Variants in MID1 observed in about 807,000 individuals in gnomAD.
MID1 encodes E3 ubiquitin-protein ligase Midline-1.
A neutral mutation model predicts 40.4 loss-of-function variants in MID1; 7 were observed. The ratio of observed to expected loss-of-function variants is 0.17; its 90% CI spans 0.10 to 0.33. The LOEUF (loss-of-function observed/expected upper bound fraction) is 0.33, where lower values mean the gene tolerates loss of function less well. Ranked by LOEUF, MID1 falls within the 10% of genes least tolerant of loss-of-function variation. The pLI, the probability that MID1 is intolerant of heterozygous loss-of-function variation, is 1.00. For synonymous variants in MID1, 229 were observed against 221.2 expected (o/e 1.04, Z -0.31); for missense variants, 367 against 558.5 (o/e 0.66, Z 3.46).
chrX:10,553,310 G>A (rs752341128), intron 2 of MID1, among the ~76,000 whole-genome samples: 1 of 108,125 alleles, frequency 9.2e-6, no homozygotes, highest in East Asian at 2.8e-4. Flanking sequence ...ATATATATAC[G>A]TATGAACCCT....
chrX:10,649,163 A>C (rs1020250131), intron 1 of MID1, among the ~76,000 whole-genome samples: 8 of 112,057 alleles, frequency 7.1e-5, no homozygotes, highest in African/African-American at 2.6e-4. Flanking sequence ...AATTTTCTCC[A>C]TAGAAGCAAA....
intron 2 of MID1, among the ~76,000 whole-genome samples, chrX:10,563,458 C>T (rs1402856658): frequency 1.8e-5 from 2 of 111,532 alleles, no homozygotes; most frequent in Non-Finnish European, 3.8e-5. Flanking sequence ...ATTTTAATTC[C>T]TTGAAAACTC....
intron 1 of MID1, among the ~76,000 whole-genome samples, chrX:10,573,708 T>C (rs1934799339): frequency 8.9e-6 from 1 of 112,395 alleles, no homozygotes; most frequent in Non-Finnish European, 1.9e-5. Context: ...TTTCTGATGG[T>C]CTATGGTTCC....
intron 1 of MID1, among the ~76,000 whole-genome samples, chrX:10,728,633 G>A (rs1244908322): frequency 8.9e-6 from 1 of 112,256 alleles, no homozygotes; most frequent in African/African-American, 3.2e-5. Flanking sequence ...TATCAGGAAT[G>A]AGATCCGTTG....
chrX:10,807,901 G>C (rs1037141603), intron 1 of MID1, among the ~76,000 whole-genome samples: 2 of 112,232 alleles, frequency 1.8e-5, no homozygotes, highest in African/African-American at 6.5e-5. Flanking sequence ...TACTACCAGT[G>C]GGTATCCAGG....
At chrX:10,780,155 G>A (rs1232056050) in intron 1 of MID1, among the ~76,000 whole-genome samples, 1 of 110,415 alleles carries the variant, frequency 9.1e-6, no homozygotes, top group East Asian at 2.9e-4. Context: ...TAGTAGATAC[G>A]GGGTTTCACC....
At chrX:10,454,608 A>G (rs1284317573) in intron 9 of MID1, among the ~76,000 whole-genome samples, 1 of 112,004 alleles carries the variant, frequency 8.9e-6, no homozygotes, top group Admixed American at 9.4e-5. Flanking sequence ...CAGTGTTAAC[A>G]TGGTATAGCT....
chrX:10,503,004 G>A (rs1053386556), intron 3 of MID1, among the ~76,000 whole-genome samples: 4 of 111,845 alleles, frequency 3.6e-5, no homozygotes, highest in African/African-American at 1.3e-4. Flanking sequence ...TTTGCCCAAG[G>A]CTGAAGTAAC....
chrX:10,516,599 TGTGTGTGTGTGCGCGC>T (rs1479773173), intron 3 of MID1, among the ~76,000 whole-genome samples: 30 of 71,637 alleles, frequency 4.2e-4, no homozygotes, highest in African/African-American at 2.1e-3. Flanking sequence ...TGTGTGTGTG[TGTGTGTGTGTGCGCGC>T]GCGCACGCGT....
intron 2 of MID1, among the ~76,000 whole-genome samples, chrX:10,523,937 G>T (rs1932780968): frequency 8.9e-6 from 1 of 111,932 alleles, no homozygotes; most frequent in Admixed American, 9.4e-5. Flanking sequence ...GTATGCAGGA[G>T]GATGTGATTA....
chrX:10,566,257 C>G lies in MID1; in HGVS notation c.660+631G>C, dbSNP rs768727781. Among the ~76,000 whole-genome samples, 8 of 111,851 alleles carry G rather than the reference C, an allele frequency of 7.2e-5. No homozygotes were observed. In the East Asian group the frequency reaches 1.7e-3, roughly 24 times the overall value. ...TAAAGAGCCTACACGAAAAGGAATTCTTTCGTGAAACCTGAGATTGTCAGA... is the reference window on the plus strand; with the variant it reads ...TAAAGAGCCTACACGAAAAGGAATTGTTTCGTGAAACCTGAGATTGTCAGA... On this transcript the variant is annotated intron_variant, in intron 2 of 9. Coordinates refer to ENST00000317552, the MANE Select transcript of MID1 (RefSeq NM_000381.4).
At chrX:10,599,340 G>A (rs960106038) in intron 1 of MID1, among the ~76,000 whole-genome samples, 3 of 112,102 alleles carry the variant, frequency 2.7e-5, no homozygotes, top group Non-Finnish European at 5.6e-5. Flanking sequence ...TCTACATCTA[G>A]AACGTGTTCA....
chrX:10,726,731 A>C (rs1602540421), intron 1 of MID1, among the ~76,000 whole-genome samples: 1 of 112,405 alleles, frequency 8.9e-6, no homozygotes, highest in Non-Finnish European at 1.9e-5. Flanking sequence ...CATGTTTCCA[A>C]CTTGAGCGTC....
chrX:10,792,275 C>T (rs1043876523), intron 1 of MID1, among the ~76,000 whole-genome samples: 7 of 111,626 alleles, frequency 6.3e-5, no homozygotes, highest in African/African-American at 2.3e-4. Context: ...AGTATGCCAG[C>T]CCTGCACCAG....
At chrX:10,637,973 T>C (rs774884879) in intron 1 of MID1, among the ~76,000 whole-genome samples, 3 of 112,153 alleles carry the variant, frequency 2.7e-5, no homozygotes, top group Non-Finnish European at 5.6e-5. Context: ...GTTTCTTTTT[T>C]AAAAAAAGTA....
At chrX:10,552,009 T>C (rs1432228069) in intron 2 of MID1, among the ~76,000 whole-genome samples, 1 of 110,525 alleles carries the variant, frequency 9.0e-6, no homozygotes, top group African/African-American at 3.3e-5. Flanking sequence ...AGGCTGGTGT[T>C]GAACTCCTGG....
intron 1 of MID1, among the ~76,000 whole-genome samples, chrX:10,655,160 G>GA (rs996585692): frequency 5.4e-5 from 6 of 111,123 alleles, no homozygotes; most frequent in Admixed American, 9.6e-5. Context: ...ATGTGTTCCA[G>GA]AAAAAAATGA....
intron 1 of MID1, among the ~76,000 whole-genome samples, chrX:10,781,377 T>A (rs1263982521): frequency 8.9e-6 from 1 of 111,923 alleles, no homozygotes; most frequent in African/African-American, 3.2e-5. Context: ...AATAATATTC[T>A]TAAGATGGTG....
intron 1 of MID1, among the ~76,000 whole-genome samples, chrX:10,699,099 G>A (rs1197765184): frequency 9.0e-6 from 1 of 111,147 alleles, no homozygotes; most frequent in East Asian, 2.8e-4. Flanking sequence ...CTTCATTTCT[G>A]TGAGATCCCC....
Sources: allele counts gnomAD v4.1 joint callset (sites outside exome capture counted in the v4.1 genomes callset), GRCh38; gene constraint gnomAD v4.1.1; transcripts MANE v1.5; gene names NCBI Gene and HGNC (gene_info 2026-07-23, HGNC 2026-07-21).